The following PPFIA2 variants were observed in gnomAD, a reference collection of about 807,000 sequenced individuals.
The protein encoded by PPFIA2 is PPFI scaffold protein A2.
PPFIA2 carries 46 observed loss-of-function variants against 175.5 expected under a neutral mutation model. The ratio of observed to expected loss-of-function variants is 0.26; its 90% CI spans 0.21 to 0.34. The LOEUF (loss-of-function observed/expected upper bound fraction) is 0.34, where lower values mean the gene tolerates loss of function less well. Ranked by LOEUF, PPFIA2 falls within the 10% of genes least tolerant of loss-of-function variation. The pLI is 1.00. For missense variants in PPFIA2, 1,179 were observed against 1,506.1 expected, an observed-to-expected ratio of 0.78 and a Z score of 3.60; for synonymous variants, 568 against 511.4, an observed-to-expected ratio of 1.11 and a Z score of -1.49.
chr12:81,347,241 C>T (rs535235147), intron 18 of PPFIA2, among the ~76,000 whole-genome samples: 1 of 152,110 alleles, frequency 6.6e-6, no homozygotes, highest in African/African-American at 2.4e-5. Context: ...CTGTGAGCCA[C>T]TATGCCCAGA....
chr12:81,566,365 A>G (rs2071282649), intron 4 of PPFIA2, among the ~76,000 whole-genome samples: 1 of 151,958 alleles, frequency 6.6e-6, no homozygotes, highest in Non-Finnish European at 1.5e-5. Flanking sequence ...GTACTAAGAA[A>G]ATACAAAAAT....
At chr12:81,538,702 T>C (rs1292022840) in intron 4 of PPFIA2, among the ~76,000 whole-genome samples, 1 of 151,772 alleles carries the variant, frequency 6.6e-6, no homozygotes, top group African/African-American at 2.4e-5. Context: ...GTACTGTCTG[T>C]TTTGTGGAAC....
intron 4 of PPFIA2, among the ~76,000 whole-genome samples, chr12:81,537,239 T>C (rs1442739424): frequency 6.6e-6 from 1 of 151,744 alleles, no homozygotes; most frequent in East Asian, 1.9e-4. Flanking sequence ...GCTGGGACAA[T>C]TATGTAGTAT....
At chr12:81,511,423 TC>T (rs1282553854) in intron 4 of PPFIA2, among the ~76,000 whole-genome samples, 1 of 152,010 alleles carries the variant, frequency 6.6e-6, no homozygotes, top group African/African-American at 2.4e-5. Flanking sequence ...AACAATAATA[TC>T]CATAGGTAAA....
At chr12:81,275,762 T>C (rs1593584132) in intron 28 of PPFIA2, among the ~76,000 whole-genome samples, 1 of 151,820 alleles carries the variant, frequency 6.6e-6, no homozygotes, top group African/African-American at 2.4e-5. Flanking sequence ...TGGTTATATT[T>C]TCCTTAATAT....
At chr12:81,535,537 T>C (rs2065248328) in intron 4 of PPFIA2, 1 of 448,250 alleles carries the variant, frequency 2.2e-6, no homozygotes, top group Non-Finnish European at 4.5e-6. Flanking sequence ...TCTAACTCAA[T>C]AACACAAAAA....
intron 3 of PPFIA2, among the ~76,000 whole-genome samples, chr12:81,742,943 T>C (rs2082510516): frequency 6.6e-6 from 1 of 152,166 alleles, no homozygotes. Context: ...GAAGTGACCG[T>C]TGCATTTAGC....
chr12:81,701,382 C>G (rs186682406), intron 3 of PPFIA2, among the ~76,000 whole-genome samples: 1 of 151,988 alleles, frequency 6.6e-6, no homozygotes, highest in Non-Finnish European at 1.5e-5. Context: ...TATGAGGGTA[C>G]CATCTTGAAG....
intron 22 of PPFIA2, among the ~76,000 whole-genome samples, chr12:81,306,019 G>A (rs907929556): frequency 1.3e-5 from 2 of 152,172 alleles, no homozygotes; most frequent in African/African-American, 4.8e-5. Flanking sequence ...CCAATTTGTG[G>A]TATGACTGTC....
intron 4 of PPFIA2, among the ~76,000 whole-genome samples, chr12:81,533,799 A>G (rs2064994680): frequency 6.6e-6 from 1 of 151,184 alleles, no homozygotes; most frequent in Non-Finnish European, 1.5e-5. Flanking sequence ...GTGTATATAT[A>G]TGATAATTTG....
intron 6 of PPFIA2, among the ~76,000 whole-genome samples, chr12:81,440,813 G>GATATATAT (rs142582712): frequency 0.016 from 2,286 of 143,092 alleles, 64 homozygotes; most frequent in African/African-American, 0.055. Flanking sequence ...TATATGTCCT[G>GATATATAT]ATATATATAT....
chr12:81,751,108 C>A (rs1238969076), intron 3 of PPFIA2, among the ~76,000 whole-genome samples: 1 of 151,712 alleles, frequency 6.6e-6, no homozygotes, highest in Non-Finnish European at 1.5e-5. Flanking sequence ...CCTAAAGATA[C>A]AGAGTAGGTT....
chr12:81,592,717 C>A (rs754153909), intron 4 of PPFIA2, among the ~76,000 whole-genome samples: 137 of 152,090 alleles, frequency 9.0e-4, no homozygotes, highest in Admixed American at 4.6e-4. Context: ...GTCTACTAAA[C>A]CTCTTTTTCT....
At chr12:81,747,586 A>T (rs1280091775) in intron 3 of PPFIA2, among the ~76,000 whole-genome samples, 1 of 143,842 alleles carries the variant, frequency 7.0e-6, no homozygotes, top group Non-Finnish European at 1.6e-5. Flanking sequence ...ACATTTATTG[A>T]GCATGTACTA....
chr12:81,593,347 T>G (rs2058890542), intron 4 of PPFIA2, among the ~76,000 whole-genome samples: 1 of 152,212 alleles, frequency 6.6e-6, no homozygotes, highest in Non-Finnish European at 1.5e-5. Context: ...TAATCTTACT[T>G]TGTGTGGTAC....
chr12:81,668,984 T>C (rs1011853991), intron 4 of PPFIA2, among the ~76,000 whole-genome samples: 1 of 152,042 alleles, frequency 6.6e-6, no homozygotes, highest in African/African-American at 2.4e-5. Context: ...GAAGGCATAC[T>C]ATGTGCCAGC....
At position 81,268,001 on chromosome 12, in the gene PPFIA2, C is replaced by T. The variant is rs1470742734; in HGVS notation, c.3397G>A (p.Gly1133Ser). The change falls in exon 29 of 33, where the codon GGT (glycine) becomes AGT (serine). Residue 1133 changes from glycine to serine, a missense_variant. Coordinates refer to ENST00000549396, the MANE Select transcript of PPFIA2 (RefSeq NM_003625.5). ...AGGGCTATAAGTGAGCCATGCACAC[C>T]GCTCTCAAGTATATTATTTGCATAT... Reference protein sequence around the residue: ...REYANNILESGVHGSLIALDE... With the variant: ...REYANNILESSVHGSLIALDE... The T allele has an allele frequency of 1.3e-6, 2 of 1,597,494 alleles. No individual in the cohort carries two copies. Among genetic ancestry groups the T allele is most frequent in the African/African-American group, 1.3e-5 (1 of 74,644 alleles).
intron 4 of PPFIA2, among the ~76,000 whole-genome samples, chr12:81,663,294 C>T (rs1393117467): frequency 1.4e-4 from 21 of 152,252 alleles, no homozygotes; most frequent in African/African-American, 4.3e-4. Context: ...AAAACCCCAT[C>T]GTCTCAGCCC....
In PPFIA2 at chr12:81,754,180, T is replaced by C. The variant is rs747438740; in HGVS notation, c.42A>G (p.Pro14=). 1 of 1,610,790 alleles carries C rather than the reference T, an allele frequency of 6.2e-7. No homozygotes were observed. Among genetic ancestry groups the C allele is most frequent in the Non-Finnish European group, 8.5e-7 (1 of 1,178,282 alleles). Residue 14 remains proline (P), a synonymous_variant, in exon 3 of 33, where the codon CCA becomes CCG. Coordinates refer to ENST00000549396, the MANE Select transcript of PPFIA2 (RefSeq NM_003625.5). ...TGCTTTGGGACCCCCTTTGGCTCAT[T>C]GGGGTGTCCTCATTAATCGTGGGCA... The part of the protein sequence containing the change: ...EVMPTINEDT[P]MSQRGSQSSG...
Sources: allele counts gnomAD v4.1 joint callset (sites outside exome capture counted in the v4.1 genomes callset), GRCh38; gene constraint gnomAD v4.1.1; transcripts MANE v1.5; gene names NCBI Gene and HGNC (gene_info 2026-07-23, HGNC 2026-07-21).